Variants in RORA observed in about 807,000 individuals in gnomAD.
RORA encodes the protein RAR related orphan receptor A, also known as nuclear receptor ROR-alpha.
Under a neutral mutation model 69.5 loss-of-function variants are expected in RORA, and 7 were observed. The ratio of observed to expected loss-of-function variants is 0.10; its 90% CI spans 0.06 to 0.19. The LOEUF (loss-of-function observed/expected upper bound fraction) is 0.19, where lower values mean the gene tolerates loss of function less well. Among genes scored for constraint, RORA ranks in the 10% least tolerant of loss-of-function variants. The pLI is 1.00. For missense variants in RORA, 457 were observed against 663.0 expected (o/e 0.69, Z 3.41); for synonymous variants, 261 against 240.8 (o/e 1.08, Z -0.78).
chr15:60,971,452 G>T (rs955015408), intron 1 of RORA, among the ~76,000 whole-genome samples: 4 of 152,180 alleles, frequency 2.6e-5, no homozygotes, highest in African/African-American at 7.2e-5. Context: ...CTGGGCACAC[G>T]GAGGATGCGG....
intron 1 of RORA, among the ~76,000 whole-genome samples, chr15:61,124,140 C>CAG (rs1329421841): frequency 6.6e-6 from 1 of 152,200 alleles, no homozygotes; most frequent in East Asian, 1.9e-4. Context: ...AGGTCAGCCT[C>CAG]CTACCTCTTA....
intron 1 of RORA, among the ~76,000 whole-genome samples, chr15:61,001,987 C>T (rs1039485262): frequency 2.0e-5 from 3 of 152,196 alleles, no homozygotes; most frequent in Non-Finnish European, 2.9e-5. Context: ...GCGTGGCCCA[C>T]GGGGGCAGCC....
chr15:61,045,287 G>C (rs1896967028), intron 1 of RORA, among the ~76,000 whole-genome samples: 1 of 152,196 alleles, frequency 6.6e-6, no homozygotes, highest in Admixed American at 6.5e-5. Flanking sequence ...CGCCATGTAA[G>C]ATGTGACTTT....
chr15:60,510,640 G>C (rs1218407910), intron 5 of RORA: 2 of 152,738 alleles, frequency 1.3e-5, no homozygotes, highest in Middle Eastern at 3.4e-3. Flanking sequence ...CGGGAGTCAG[G>C]TGGGCCCATT....
intron 1 of RORA, among the ~76,000 whole-genome samples, chr15:60,826,759 CT>C (rs1567204721): frequency 4.3e-5 from 4 of 94,002 alleles, no homozygotes; most frequent in Non-Finnish European, 1.1e-4. Context: ...CTCTCTCTCT[CT>C]CTCTCCCTCT....
chr15:61,170,058 C>T (rs181595425), intron 1 of RORA, among the ~76,000 whole-genome samples: 1 of 152,214 alleles, frequency 6.6e-6, no homozygotes, highest in East Asian at 1.9e-4. Context: ...GCTGTGTGAC[C>T]CAAGGTGAGC....
intron 1 of RORA, among the ~76,000 whole-genome samples, chr15:61,079,096 T>G (rs937488661): frequency 2.0e-5 from 3 of 151,866 alleles, no homozygotes; most frequent in Admixed American, 2.0e-4. Context: ...TACTAACCAA[T>G]TACAGACTTA....
intron 2 of RORA, among the ~76,000 whole-genome samples, chr15:60,669,750 T>A (rs572432606): frequency 6.6e-6 from 1 of 152,338 alleles, no homozygotes; most frequent in South Asian, 2.1e-4. Context: ...TAAACACATA[T>A]TCTATTAGGT....
intron 1 of RORA, among the ~76,000 whole-genome samples, chr15:60,729,389 C>A (rs2071401977): frequency 6.6e-6 from 1 of 152,142 alleles, no homozygotes; most frequent in Non-Finnish European, 1.5e-5. Context: ...AGAAACTCCA[C>A]CTTAGGAGAA....
chr15:61,041,385 A>C (rs1452429139), intron 1 of RORA, among the ~76,000 whole-genome samples: 1 of 149,404 alleles, frequency 6.7e-6, no homozygotes. Flanking sequence ...ATCCTATTAG[A>C]AAAAAGGAGG....
At chr15:60,844,209 G>C (rs2073236507) in intron 1 of RORA, among the ~76,000 whole-genome samples, 1 of 152,118 alleles carries the variant, frequency 6.6e-6, no homozygotes, top group Non-Finnish European at 1.5e-5. Context: ...TTGTTAACAT[G>C]TTTTCTCCTA....
chr15:61,056,324 C>T (rs946934071), intron 1 of RORA, among the ~76,000 whole-genome samples: 9 of 152,144 alleles, frequency 5.9e-5, no homozygotes, highest in South Asian at 2.1e-4. Context: ...GGTTCAGAGA[C>T]GTTAAGCATC....
chr15:60,638,822 T>C (rs2069886774), intron 2 of RORA, among the ~76,000 whole-genome samples: 1 of 152,226 alleles, frequency 6.6e-6, no homozygotes, highest in Non-Finnish European at 1.5e-5. Context: ...TAATTTTTTT[T>C]CCCTGCACCT....
chr15:60,896,510 G>C (rs978102721), intron 1 of RORA, among the ~76,000 whole-genome samples: 2 of 152,110 alleles, frequency 1.3e-5, no homozygotes, highest in African/African-American at 4.8e-5. Context: ...CTGGTTTTAG[G>C]CATTACTATA....
intron 2 of RORA, chr15:60,558,197 A>T (rs746806113): frequency 4.0e-6 from 6 of 1,506,332 alleles, no homozygotes; most frequent in Non-Finnish European, 4.6e-6. Flanking sequence ...GATGGAGGAC[A>T]GGTCAGGAGG....
intron 1 of RORA, among the ~76,000 whole-genome samples, chr15:61,222,281 T>C (rs1186662318): frequency 6.6e-6 from 1 of 152,174 alleles, no homozygotes. Context: ...CACAGCGCCA[T>C]GCCACTGTTA....
chr15:61,124,849 C>G (rs919490570), intron 1 of RORA, among the ~76,000 whole-genome samples: 22 of 152,238 alleles, frequency 1.4e-4, no homozygotes, highest in African/African-American at 5.3e-4. Flanking sequence ...ACCTTCCACT[C>G]TGACCTCACA....
chr15:60,658,730 A>G (rs867164994), intron 2 of RORA, among the ~76,000 whole-genome samples: 2 of 152,254 alleles, frequency 1.3e-5, no homozygotes, highest in Non-Finnish European at 2.9e-5. Flanking sequence ...AGAAGATAAC[A>G]TGTTACAGGT....
In RORA at chr15:60,568,060, A is replaced by C. The variant is rs933317983; in HGVS notation, c.197-36209T>G. On this transcript the variant is annotated intron_variant, in intron 2 of 10. Transcript: ENST00000335670. ...TAGCACTCTCGAATTGTATTAATCA[A>C]AAAATCTCTCTAGACACTGATAAAT... 3.3e-5 allele frequency among the ~76,000 whole-genome samples: 5 copies of C among 152,224 alleles called. No homozygotes were observed. In the South Asian group the frequency reaches 6.2e-4, roughly 19 times the overall value.
Sources: gnomAD v4.1 joint callset for allele counts (sites outside exome capture counted in the v4.1 genomes callset) on GRCh38, gnomAD v4.1.1 for gene constraint, MANE v1.5 for transcripts, NCBI Gene and HGNC (gene_info 2026-07-23, HGNC 2026-07-21) for gene names.